Variants in HTR1D observed in about 807,000 individuals in gnomAD.
HTR1D encodes the protein 5-hydroxytryptamine receptor 1D, also known as 5-HT-1D.
In HTR1D, 18 loss-of-function variants were observed where a neutral mutation model predicts 21.1. The observed-to-expected ratio is 0.85, with a 90% CI of 0.59 to 1.27. HTR1D has a LOEUF of 1.27. HTR1D is among the 50% of genes most tolerant of loss of function. HTR1D has a pLI of 0.00. For synonymous variants in HTR1D, 196 were observed against 204.4 expected (o/e 0.96, Z 0.35); for missense variants, 456 against 481.4 (o/e 0.95, Z 0.49).
intron 1 of HTR1D, among the ~76,000 whole-genome samples, chr1:23,204,315 C>T (rs1056162325): frequency 6.6e-6 from 1 of 152,102 alleles, no homozygotes; most frequent in Non-Finnish European, 1.5e-5. Context: ...TTAGTAGAGA[C>T]GGGGTTTCAC....
In HTR1D at chr1:23,193,202, AG is replaced by A; in HGVS notation, c.1017del (p.Phe340SerfsTer5). 1.2e-6 allele frequency: 2 copies of A among 1,614,042 alleles called. No individual in the cohort carries two copies. Among genetic ancestry groups the A allele is most frequent in the Non-Finnish European group, 1.7e-6 (2 of 1,179,984 alleles). On this transcript the variant is annotated frameshift_variant, in exon 2 of 2. Transcript: ENST00000374619. LOFTEE classifies it high-confidence loss of function. Reference protein sequence around the residue: ...DSCWIHPALFDFFTWLGYLNS... With the variant: ...DSCWIHPALFXFFTWLGYLNS... ...TTTAAATAGCCTAGCCAGGTGAAGA[AG>A]TCAAAGAGCGCCGGGTGGATCCAGC...
At chr1:23,213,479 A>AAAAAC (rs71575746) in intron 1 of HTR1D, among the ~76,000 whole-genome samples, 60 of 151,040 alleles carry the variant, frequency 4.0e-4, no homozygotes, top group Non-Finnish European at 5.2e-4. Flanking sequence ...GACTCCGTCT[A>AAAAAC]AAAACAAAAC....
intron 1 of HTR1D, among the ~76,000 whole-genome samples, chr1:23,199,017 G>A (rs933037343): frequency 2.8e-5 from 4 of 141,636 alleles, no homozygotes; most frequent in Non-Finnish European, 6.1e-5. Context: ...CACCATGCCC[G>A]GCTAATTTTT....
At chr1:23,198,652 T>C (rs1644698925) in intron 1 of HTR1D, among the ~76,000 whole-genome samples, 1 of 152,112 alleles carries the variant, frequency 6.6e-6, no homozygotes, top group African/African-American at 2.4e-5. Context: ...CGTATTCCTA[T>C]GATGGAGGGC....
chr1:23,192,946 A>G lies in HTR1D; in HGVS notation c.*140T>C. The G allele has an allele frequency of 3.8e-6, 2 of 519,738 alleles. No individual in the cohort carries two copies. The highest frequency in any genetic ancestry group is 4.1e-5 in the South Asian group (1 of 24,326). 32.2% of individuals were successfully genotyped at this position (519,738 alleles called of 1,614,324 possible). On this transcript the variant is annotated 3_prime_UTR_variant, in exon 2 of 2. Transcript: ENST00000374619. ...TCAGAAGTTAAGAAAACAACAGGAA[A>G]AAGAACAATTCTGTTGATTGAACCA...
At chr1:23,196,719 G>A (rs540401267) in intron 1 of HTR1D, among the ~76,000 whole-genome samples, 9 of 152,252 alleles carry the variant, frequency 5.9e-5, no homozygotes, top group African/African-American at 1.9e-4. Flanking sequence ...TGGGCAACGT[G>A]GCTCCCAACT....
At chr1:23,212,083 T>C (rs1644755616) in intron 1 of HTR1D, among the ~76,000 whole-genome samples, 2 of 152,184 alleles carry the variant, frequency 1.3e-5, no homozygotes, top group Admixed American at 1.3e-4. Context: ...GCCCACCTCT[T>C]GGCTGAGACC....
chr1:23,196,762 T>C (rs1368951936), intron 1 of HTR1D, among the ~76,000 whole-genome samples: 1 of 152,268 alleles, frequency 6.6e-6, no homozygotes, highest in Non-Finnish European at 1.5e-5. Context: ...AGAGAGGTGA[T>C]GTCACCTGCC....
chr1:23,201,324 G>A (rs1368320320), intron 1 of HTR1D, among the ~76,000 whole-genome samples: 3 of 152,202 alleles, frequency 2.0e-5, no homozygotes, highest in Non-Finnish European at 2.9e-5. Context: ...AGGGGCAGGA[G>A]AATGGAGCAG....
chr1:23,201,528 G>A (rs1343819731), intron 1 of HTR1D, among the ~76,000 whole-genome samples: 1 of 152,188 alleles, frequency 6.6e-6, no homozygotes, highest in East Asian at 1.9e-4. Flanking sequence ...AGAAATGGTA[G>A]TAAGACAAGG....
At chr1:23,205,257 G>A (rs1192669149) in intron 1 of HTR1D, among the ~76,000 whole-genome samples, 1 of 152,080 alleles carries the variant, frequency 6.6e-6, no homozygotes, top group Non-Finnish European at 1.5e-5. Context: ...GGTGGGAGGG[G>A]GAAAGGGATA....
chr1:23,201,589 G>T (rs1477793615), intron 1 of HTR1D, among the ~76,000 whole-genome samples: 3 of 152,140 alleles, frequency 2.0e-5, no homozygotes, highest in Non-Finnish European at 4.4e-5. Flanking sequence ...TTCCTCTGTT[G>T]TCCAGGTTGG....
Position 23,207,759 on chromosome 1 carries a change from CTT to C in HTR1D, c.-783+9530_-783+9531del, listed in dbSNP as rs532795222. ...ACACACTGTTAAAAGGCAAGAGCCT[CTT>C]TTTTTTTTTTTTTTTTTTGAGGCGG... On this transcript the variant is annotated intron_variant, in intron 1 of 1. Transcript: ENST00000374619. Among the ~76,000 whole-genome samples, 586 of 124,806 alleles carry C rather than the reference CTT, an allele frequency of 4.7e-3. 1 individual carries two copies. Among genetic ancestry groups the C allele is most frequent in the Non-Finnish European group, 5.7e-3 (350 of 60,952 alleles). 81.9% of individuals were successfully genotyped at this position (124,806 alleles called of 152,430 possible).
chr1:23,216,670 CA>C (rs1644774451), intron 1 of HTR1D, among the ~76,000 whole-genome samples: 1 of 152,234 alleles, frequency 6.6e-6, no homozygotes, highest in South Asian at 2.1e-4. Context: ...CAGAACTTTA[CA>C]GTTTCTAAAA....
intron 1 of HTR1D, among the ~76,000 whole-genome samples, chr1:23,208,969 T>C (rs543544622): frequency 6.6e-6 from 1 of 151,552 alleles, no homozygotes; most frequent in East Asian, 1.9e-4. Context: ...TTGGGTGTAG[T>C]AGGTTAATAG....
At position 23,217,088 on chromosome 1, in the gene HTR1D, G is replaced by C. The variant is rs925761431; in HGVS notation, c.-783+203C>G. 4.0e-5 allele frequency among the ~76,000 whole-genome samples: 6 copies of C among 151,844 alleles called. No homozygotes were observed. Among genetic ancestry groups the C allele is most frequent in the African/African-American group, 1.4e-4 (6 of 41,380 alleles). On this transcript the variant is annotated intron_variant, in intron 1 of 1. Transcript: ENST00000374619. This position sits in a 1 kb window ranked among gnomAD's most constrained non-coding sequence, Gnocchi z 4.6. ...TGCCTCAGTCCTCCCTTTTCTCCCG[G>C]GGCTCTGGACGGCCACCCCCGGTGG...
At chr1:23,200,283 T>C (rs985171439) in intron 1 of HTR1D, among the ~76,000 whole-genome samples, 3 of 152,170 alleles carry the variant, frequency 2.0e-5, no homozygotes, top group African/African-American at 7.2e-5. Context: ...TGTTGTGTTG[T>C]AAACAGTGGA....
At chr1:23,196,266 G>GCA (rs1468276930) in intron 1 of HTR1D, among the ~76,000 whole-genome samples, 1 of 152,048 alleles carries the variant, frequency 6.6e-6, no homozygotes, top group Non-Finnish European at 1.5e-5. Context: ...CCAACATGGA[G>GCA]ATACCCCGTC....
At chr1:23,206,442 C>A (rs553490908) in intron 1 of HTR1D, among the ~76,000 whole-genome samples, 25 of 152,310 alleles carry the variant, frequency 1.6e-4, no homozygotes, top group Non-Finnish European at 2.8e-4. Flanking sequence ...TTAAGAGACT[C>A]TTCATGAACT....
Sources: gnomAD v4.1 joint callset for allele counts (sites outside exome capture counted in the v4.1 genomes callset) on GRCh38, gnomAD v4.1.1 for gene constraint, Gnocchi (gnomAD v3.1) non-coding constraint, MANE v1.5 for transcripts, NCBI Gene and HGNC (gene_info 2026-07-23, HGNC 2026-07-21) for gene names.